Variants in ZNF268 observed in about 807,000 individuals in gnomAD.
The protein encoded by ZNF268 is zinc finger protein 268, also known as zinc finger protein 3.
In ZNF268, 20 loss-of-function variants were observed where a neutral mutation model predicts 29.3. That is an observed-to-expected ratio of 0.68 (90% CI 0.48 to 0.99). The LOEUF (loss-of-function observed/expected upper bound fraction) is 0.99, where lower values mean the gene tolerates loss of function less well. Ranked by LOEUF, ZNF268 falls within the 50% of genes least tolerant of loss-of-function variation. ZNF268 has a pLI of 0.00. For missense variants in ZNF268, 1,240 were observed against 1,121.6 expected (o/e 1.11, Z -1.51); for synonymous variants, 429 against 376.9 (o/e 1.14, Z -1.60).
chr12:133,201,616 A>G (rs2135519350), intron 5 of ZNF268, among the ~76,000 whole-genome samples: 1 of 152,154 alleles, frequency 6.6e-6, no homozygotes, highest in Non-Finnish European at 1.5e-5. Flanking sequence ...CTGTTAAGGA[A>G]TGATGTTCCC....
Position 133,212,542 on chromosome 12 carries a change from T to C in ZNF268, c.*8012T>C, listed in dbSNP as rs1161926585. Reference sequence around the variant, plus strand: ...ATACACACATATATACACATATATATACACATATACACATATATATACACA... The same window carrying C: ...ATACACACATATATACACATATATACACACATATACACATATATATACACA... On this transcript the variant is annotated 3_prime_UTR_variant, in exon 6 of 6. Coordinates refer to ENST00000536435, the MANE Select transcript of ZNF268 (RefSeq NM_003415.3). 4.7e-5 allele frequency: 7 copies of C among 148,028 alleles called. No homozygotes were observed. The highest frequency in any genetic ancestry group is 7.4e-5 in the Non-Finnish European group (5 of 67,126). The allele number at this position is 148,028 out of a possible 1,614,324, so 9.2% of individuals were successfully genotyped here.
In ZNF268 at chr12:133,209,078, GA is replaced by G. The variant is rs1956945179; in HGVS notation, c.*4550del. On this transcript the variant is annotated 3_prime_UTR_variant, in exon 6 of 6. Transcript: ENST00000536435. ...CCTGCCTCAGCCTCCCTAGTAGCTGGAATTACAGGCACACGCCACCACGCCC... is the reference window on the plus strand; with the variant it reads ...CCTGCCTCAGCCTCCCTAGTAGCTGGATTACAGGCACACGCCACCACGCCC... 1 of 151,904 alleles carries G rather than the reference GA, an allele frequency of 6.6e-6. No individual in the cohort carries two copies. The highest frequency in any genetic ancestry group is 6.6e-5 in the Admixed American group (1 of 15,192). The allele number at this position is 151,904 out of a possible 1,614,324, so 9.4% of individuals were successfully genotyped here. A position where few individuals can be genotyped will look rare whatever the true frequency, so the allele number is the denominator to read the frequency against.
intron 2 of ZNF268, among the ~76,000 whole-genome samples, chr12:133,185,779 C>G (rs1171615324): frequency 6.6e-6 from 1 of 152,116 alleles, no homozygotes; most frequent in Admixed American, 6.5e-5. Flanking sequence ...CACGTTCAGA[C>G]AAGAGGTAGC....
At chr12:133,194,004 T>G (rs555222962) in intron 5 of ZNF268, among the ~76,000 whole-genome samples, 1 of 152,246 alleles carries the variant, frequency 6.6e-6, no homozygotes, top group East Asian at 1.9e-4. Flanking sequence ...CCTTACTAAT[T>G]TTGGTACAGT....
At chr12:133,183,893 T>C (rs1245912899) in intron 2 of ZNF268, among the ~76,000 whole-genome samples, 1 of 152,174 alleles carries the variant, frequency 6.6e-6, no homozygotes, top group Non-Finnish European at 1.5e-5. Context: ...TAATTCACAC[T>C]TAAAGAAATG....
intron 2 of ZNF268, among the ~76,000 whole-genome samples, chr12:133,183,617 G>T (rs1956231138): frequency 6.6e-6 from 1 of 152,186 alleles, no homozygotes; most frequent in Non-Finnish European, 1.5e-5. Flanking sequence ...TCTACTCTGT[G>T]GGCCTGGTTG....
chr12:133,210,940 C>T lies in ZNF268; in HGVS notation c.*6410C>T, dbSNP rs1391395299. The T allele has an allele frequency of 4.4e-6, 2 of 455,998 alleles. No individual in the cohort carries two copies. Among genetic ancestry groups the T allele is most frequent in the Admixed American group, 4.7e-5 (2 of 42,564 alleles). 28.2% of individuals were successfully genotyped at this position (455,998 alleles called of 1,614,324 possible). ...GTCAGTGCTTCCTGTTTTGTGATGG[C>T]CATGTGCCCCCTCTTGCAGTCCCAG... On this transcript the variant is annotated 3_prime_UTR_variant, in exon 6 of 6. Transcript: ENST00000536435.
At chr12:133,198,402 T>C (rs2135512669) in intron 5 of ZNF268, among the ~76,000 whole-genome samples, 1 of 151,248 alleles carries the variant, frequency 6.6e-6, no homozygotes, top group African/African-American at 2.4e-5. Flanking sequence ...ATATCTCTGT[T>C]TTGGTACCAG....
intron 3 of ZNF268, among the ~76,000 whole-genome samples, chr12:133,189,664 C>A (rs1354628671): frequency 6.6e-6 from 1 of 152,194 alleles, no homozygotes; most frequent in Admixed American, 6.5e-5. Flanking sequence ...TCTTCATAAA[C>A]AGTCGTGTCA....
chr12:133,204,290 G>A lies in ZNF268; in HGVS notation c.2604G>A (p.Glu868=). Residue 868 remains glutamate, a synonymous_variant, in exon 6 of 6, where the codon GAG becomes GAA. Transcript: ENST00000536435. ...GAGAGAAACCATATGAATGCAGTGA[G>A]TGTGGAAAAGCCTTCATTAGGAATT... is the stretch of plus-strand genomic sequence containing the variant. ...HTREKPYECS[E]CGKAFIRNSQ... The A allele has an allele frequency of 6.4e-7, 1 of 1,554,918 alleles. No homozygotes were observed. The highest frequency in any genetic ancestry group is 8.7e-7 in the Non-Finnish European group (1 of 1,153,492).
rs1020871079 is a variant in ZNF268 at position 133,206,383 on chromosome 12, A to T, written c.*1853A>T. The stretch of plus-strand genomic sequence containing the variant: ...AATGCTTTTGATACCCATGTATAAC[A>T]TGGAGAATAATGATCTTAAAACTTC... On this transcript the variant is annotated 3_prime_UTR_variant, in exon 6 of 6. Transcript: ENST00000536435. 1 of 152,228 alleles carries T rather than the reference A, an allele frequency of 6.6e-6. No individual in the cohort carries two copies. The highest frequency in any genetic ancestry group is 6.5e-5 in the Admixed American group (1 of 15,290). 9.4% of individuals were successfully genotyped at this position (152,228 alleles called of 1,614,324 possible). A position where few individuals can be genotyped will look rare whatever the true frequency, so the allele number is the denominator to read the frequency against.
At chr12:133,198,521 C>G (rs1956670728) in intron 5 of ZNF268, among the ~76,000 whole-genome samples, 2 of 151,766 alleles carry the variant, frequency 1.3e-5, no homozygotes, top group Non-Finnish European at 1.5e-5. Context: ...GATGCGGGCT[C>G]TTTTTTGGTT....
At chr12:133,199,837 C>T (rs11147296) in intron 5 of ZNF268, among the ~76,000 whole-genome samples, 52,431 of 151,966 alleles carry the variant, frequency 0.35, 9,479 homozygotes, top group African/African-American at 0.42. Context: ...GTGTTTGTAG[C>T]ATTCTCTGAT....
Position 133,202,339 on chromosome 12 carries a change from A to C in ZNF268, c.653A>C (p.Asp218Ala), listed in dbSNP as rs1348222739. The C allele has an allele frequency of 3.7e-5, 60 of 1,611,514 alleles. No individual in the cohort carries two copies. Among genetic ancestry groups the C allele is most frequent in the Non-Finnish European group, 4.8e-5 (57 of 1,178,832 alleles). The change falls in exon 6 of 6, where the codon GAT (aspartate) becomes GCT (alanine). Residue 218 changes from aspartate (D) to alanine (A), a missense_variant. Asp to Ala is a moderately radical substitution (Grantham distance 126). Transcript: ENST00000536435. ...KSLKYIDFTSDYARNNPNGFQ... is the reference protein window; with the variant it reads ...KSLKYIDFTSAYARNNPNGFQ... ...TTGAAATATATAGATTTCACTAGTGATTATGCTAGAAATAATCCTAATGGG... is the reference window on the plus strand; with the variant it reads ...TTGAAATATATAGATTTCACTAGTGCTTATGCTAGAAATAATCCTAATGGG...
chr12:133,192,340 T>C (rs982820280), intron 5 of ZNF268, among the ~76,000 whole-genome samples: 6 of 152,066 alleles, frequency 3.9e-5, no homozygotes, highest in Non-Finnish European at 8.8e-5. Context: ...ACTCCTGACC[T>C]CAGGTGATCC....
chr12:133,203,820 ATT>A lies in ZNF268; in HGVS notation c.2135_2136del (p.Ile712AsnfsTer13). ...AGCCTTCAGGAGCAAGTCATACCTT[ATT>A]ATACATATGAGAACTCATACAGGAG... ...GKAFRSKSYLIIHMRTHTGEK... is the reference protein window; with the variant it reads ...GKAFRSKSYLXIHMRTHTGEK... On this transcript the variant is annotated frameshift_variant, in exon 6 of 6. Transcript: ENST00000536435. LOFTEE classifies it low-confidence loss of function (END_TRUNC). The A allele has an allele frequency of 6.4e-7, 1 of 1,562,898 alleles. No homozygotes were observed. The highest frequency in any genetic ancestry group is 8.6e-7 in the Non-Finnish European group (1 of 1,160,456).
chr12:133,191,670 T>G (rs757164351), intron 4 of ZNF268, 55 bp downstream of exon 4: 1 of 1,600,820 alleles, frequency 6.2e-7, no homozygotes, highest in Non-Finnish European at 8.5e-7. Context: ...TTCTTCTTGG[T>G]TGCTGAAAAC....
At chr12:133,186,295 A>T (rs1956312899) in intron 2 of ZNF268, among the ~76,000 whole-genome samples, 1 of 152,138 alleles carries the variant, frequency 6.6e-6, no homozygotes, top group Non-Finnish European at 1.5e-5. Context: ...AGACCCTGAA[A>T]TGTAGAGTAA....
chr12:133,196,338 AAAG>A (rs1956599018), intron 5 of ZNF268, among the ~76,000 whole-genome samples: 1 of 147,152 alleles, frequency 6.8e-6, no homozygotes, highest in African/African-American at 2.5e-5. Context: ...AAAAAAAAAA[AAAG>A]CCTGTCTTTT....
Sources: gnomAD v4.1 joint callset for allele counts (sites outside exome capture counted in the v4.1 genomes callset) on GRCh38, gnomAD v4.1.1 for gene constraint, MANE v1.5 for transcripts, NCBI Gene and HGNC (gene_info 2026-07-23, HGNC 2026-07-21) for gene names.